Variants in DNAI2 observed in about 807,000 individuals in gnomAD.
The protein encoded by DNAI2 is dynein, axonemal, intermediate polypeptide 2.
A neutral mutation model predicts 74.7 loss-of-function variants in DNAI2; 63 were observed. The observed-to-expected ratio is 0.84, with a 90% CI of 0.69 to 1.04. The LOEUF is 1.04. DNAI2 is among the 50% of genes least tolerant of loss of function. DNAI2 has a pLI of 0.00. For synonymous variants in DNAI2, 289 were observed against 314.9 expected, an observed-to-expected ratio of 0.92 and a Z score of 0.87; for missense variants, 688 against 803.2, an observed-to-expected ratio of 0.86 and a Z score of 1.73.
intron 6 of DNAI2, among the ~76,000 whole-genome samples, chr17:74,293,416 T>C (rs916319664): frequency 1.3e-5 from 2 of 152,132 alleles, no homozygotes; most frequent in Non-Finnish European, 1.5e-5. Flanking sequence ...TCTTCATTTG[T>C]CTCTAGTAGC....
intron 6 of DNAI2, among the ~76,000 whole-genome samples, chr17:74,291,626 C>T (rs757156552): frequency 6.6e-6 from 1 of 152,156 alleles, no homozygotes; most frequent in Non-Finnish European, 1.5e-5. Flanking sequence ...AGCAGTGTCT[C>T]CTGTTACTAC....
In DNAI2 at chr17:74,312,005, G is replaced by A. The variant is rs1224398877; in HGVS notation, c.1497G>A (p.Met499Ile). Reference protein sequence around the residue: ...QRNEKNVASSMFERETRREKI... With the variant: ...QRNEKNVASSIFERETRREKI... Reference sequence around the variant, plus strand: ...TCTCTCTGTCCCTGGGTGCCCAGATGTTTGAGCGTGAGACCCGGCGAGAGA... The same window carrying A: ...TCTCTCTGTCCCTGGGTGCCCAGATATTTGAGCGTGAGACCCGGCGAGAGA... Residue 499 changes from methionine to isoleucine, a missense_variant and splice_region_variant, in exon 12 of 14, where the codon ATG becomes ATA. Met to Ile is a conservative substitution (Grantham distance 10). Transcript: ENST00000311014. The A allele has an allele frequency of 1.2e-6, 2 of 1,611,446 alleles. No individual in the cohort carries two copies. Among genetic ancestry groups the A allele is most frequent in the Non-Finnish European group, 1.7e-6 (2 of 1,179,690 alleles).
Position 74,307,223 on chromosome 17 carries a change from G to A in DNAI2, c.1211+1781G>A, listed in dbSNP as rs571751512. 1.0e-4 allele frequency: 46 copies of A among 456,100 alleles called. No homozygotes were observed. In the East Asian group the frequency reaches 1.0e-3, roughly 10 times the overall value. 28.3% of individuals were successfully genotyped at this position (456,100 alleles called of 1,614,324 possible). On this transcript the variant is annotated intron_variant, in intron 9 of 13. Coordinates refer to ENST00000311014, the MANE Select transcript of DNAI2 (RefSeq NM_023036.6). ...TCTTCAGGTCCTGCAGGCTGCCAGGGCTGTGTGAAAGGAGCAGGGTGTCGA... is the reference window on the plus strand; with the variant it reads ...TCTTCAGGTCCTGCAGGCTGCCAGGACTGTGTGAAAGGAGCAGGGTGTCGA...
At chr17:74,294,181 CATCTGCCATTT>C (rs2052294876) in intron 6 of DNAI2, among the ~76,000 whole-genome samples, 1 of 152,036 alleles carries the variant, frequency 6.6e-6, no homozygotes, top group East Asian at 1.9e-4. Context: ...ATAAAGTTTA[CATCTGCCATTT>C]TGCTTTTTTT....
intron 5 of DNAI2, among the ~76,000 whole-genome samples, chr17:74,290,372 G>A (rs746897622): frequency 1.9e-4 from 29 of 152,148 alleles, no homozygotes; most frequent in Non-Finnish European, 3.5e-4. Flanking sequence ...AAGGGGCGGC[G>A]GAATGGAACT....
chr17:74,314,116 T>C lies in DNAI2; in HGVS notation c.1723-5T>C. 6.2e-7 allele frequency: 1 copy of C among 1,613,718 alleles called. No individual in the cohort carries two copies. The highest frequency in any genetic ancestry group is 2.2e-5 in the East Asian group (1 of 44,818). ...CCAACACTTCTGTGCTGTCTTCCCC[T>C]GCAGCAGCAACCAAGTCCAGAAGAA... On this transcript the variant is annotated splice_polypyrimidine_tract_variant and splice_region_variant and intron_variant, in intron 12 of 13. Coordinates refer to ENST00000311014, the MANE Select transcript of DNAI2 (RefSeq NM_023036.6).
intron 1 of DNAI2, among the ~76,000 whole-genome samples, chr17:74,275,287 C>T (rs12940226): frequency 0.39 from 59,990 of 152,022 alleles, 13,581 homozygotes; most frequent in East Asian, 0.78. Flanking sequence ...TGCCCTCAAC[C>T]TTCACTTTCC....
intron 3 of DNAI2, 114 bp from the exon 4 acceptor site, chr17:74,286,863 G>A: frequency 1.4e-6 from 2 of 1,384,196 alleles, no homozygotes; most frequent in Non-Finnish European, 2.1e-6. Context: ...ACATGGTTAG[G>A]TGGATGGGAA....
At chr17:74,288,377 A>C (rs1323316178) in intron 4 of DNAI2, among the ~76,000 whole-genome samples, 1 of 152,182 alleles carries the variant, frequency 6.6e-6, no homozygotes, top group East Asian at 1.9e-4. Flanking sequence ...TTTCCAACTT[A>C]CTATGGGTTT....
intron 4 of DNAI2, among the ~76,000 whole-genome samples, chr17:74,287,726 G>A (rs1445510965): frequency 2.0e-5 from 3 of 152,172 alleles, no homozygotes; most frequent in African/African-American, 4.8e-5. Context: ...AGGCCAAGGC[G>A]GGTGCATCAC....
At chr17:74,312,439 G>A (rs1179088750) in intron 12 of DNAI2, among the ~76,000 whole-genome samples, 1 of 152,128 alleles carries the variant, frequency 6.6e-6, no homozygotes, top group Admixed American at 6.5e-5. Flanking sequence ...GCTCCTTACA[G>A]GCAGGAACCA....
At chr17:74,302,117 A>C (rs1213300952) in intron 8 of DNAI2, among the ~76,000 whole-genome samples, 1 of 143,908 alleles carries the variant, frequency 6.9e-6, no homozygotes, top group African/African-American at 2.6e-5. Flanking sequence ...GAAGGAAGGA[A>C]GGAAAGAAAA....
intron 12 of DNAI2, 124 bp from the exon 13 acceptor site, chr17:74,313,997 G>A: frequency 6.5e-7 from 1 of 1,540,436 alleles, no homozygotes; most frequent in African/African-American, 1.4e-5. Context: ...GGGTTCCAGG[G>A]TGCTCAGCGA....
chr17:74,285,946 TAC>T (rs140598637), intron 3 of DNAI2, among the ~76,000 whole-genome samples: 55,940 of 137,308 alleles, frequency 0.41, 11,080 homozygotes, highest in Non-Finnish European at 0.47. Flanking sequence ...GAGTGCCATA[TAC>T]ACACACACAC....
In DNAI2 at chr17:74,309,345, G is replaced by C. The variant is rs752924362; in HGVS notation, c.1304G>C (p.Trp435Ser). 1 of 1,614,166 alleles carries C rather than the reference G, an allele frequency of 6.2e-7. No individual in the cohort carries two copies. The highest frequency in any genetic ancestry group is 8.5e-7 in the Non-Finnish European group (1 of 1,180,042). Residue 435 changes from tryptophan (W) to serine (S), a missense_variant, in exon 10 of 14, where the codon TGG becomes TCG. Coordinates refer to ENST00000311014, the MANE Select transcript of DNAI2 (RefSeq NM_023036.6). Reference protein sequence around the residue: ...TTRMDGTLDIWDFMFEQCDPT... With the variant: ...TTRMDGTLDISDFMFEQCDPT... ...AGGATGGACGGAACCCTGGATATCT[G>C]GGACTTCATGTTCGAGCAGTGCGAT...
rs756827065 is a variant in DNAI2 at position 74,281,798 on chromosome 17, G to GC, written c.-11-3dup. 3 of 1,613,022 alleles carry GC rather than the reference G, an allele frequency of 1.9e-6. No homozygotes were observed. Among genetic ancestry groups the GC allele is most frequent in the East Asian group, 2.2e-5 (1 of 44,878 alleles). ...GTCCCTCACCCCACACCCTCCCTCT[G>GC]CCCCCCAGCAGCCGGCACCATGGAG... is the stretch of plus-strand genomic sequence containing the variant. On this transcript the variant is annotated splice_polypyrimidine_tract_variant and intron_variant, in intron 1 of 13. Transcript: ENST00000311014.
intron 1 of DNAI2, among the ~76,000 whole-genome samples, chr17:74,278,495 A>G (rs374267839): frequency 3.9e-5 from 6 of 152,236 alleles, no homozygotes; most frequent in Non-Finnish European, 7.3e-5. Context: ...TGCAGGAAGC[A>G]CGCCTGGAAA....
chr17:74,294,813 C>G (rs1358442873), intron 6 of DNAI2, among the ~76,000 whole-genome samples: 1 of 152,132 alleles, frequency 6.6e-6, no homozygotes, highest in Non-Finnish European at 1.5e-5. Context: ...ATATTTACAA[C>G]CATTATTTAT....
rs777662498 is a variant in DNAI2 at position 74,281,887 on chromosome 17, C to G, written c.70C>G (p.Gln24Glu). The G allele has an allele frequency of 2.5e-6, 4 of 1,614,172 alleles. No individual in the cohort carries two copies. The highest frequency in any genetic ancestry group is 2.5e-6 in the Non-Finnish European group (3 of 1,180,046). ...GAAGCAGTGCAATTTCTCGGACCGC[C>G]AGGCCGAGCTGAACATCGACATCAT... ...FGKQCNFSDR[Q>E]AELNIDIMPN... is the part of the protein sequence containing the mutation. The change falls in exon 2 of 14, where the codon CAG becomes GAG. Residue 24 changes from glutamine (Q) to glutamate (E), a missense_variant. Physicochemically the swap from Gln to Glu is conservative, Grantham distance 29. Coordinates refer to ENST00000311014, the MANE Select transcript of DNAI2 (RefSeq NM_023036.6).
Sources: allele counts gnomAD v4.1 joint callset (sites outside exome capture counted in the v4.1 genomes callset), GRCh38; gene constraint gnomAD v4.1.1; transcripts MANE v1.5; gene names NCBI Gene and HGNC (gene_info 2026-07-23, HGNC 2026-07-21).